REDIC1: variants seen among roughly 807,000 people sequenced by gnomAD.
The protein encoded by REDIC1 is regulator of DNA class I crossover intermediates 1.
At chr12:39,781,020 A>G in the REDIC1 span, among the ~76,000 whole-genome samples, 1 of 152,154 alleles carries the variant, frequency 6.6e-6, no homozygotes, top group Non-Finnish European at 1.5e-5. Context: ...CAGTTTCACA[A>G]TATTTCATCT....
the REDIC1 span, chr12:39,764,455 C>A: frequency 6.4e-7 from 1 of 1,559,596 alleles, no homozygotes; most frequent in Non-Finnish European, 8.6e-7. Flanking sequence ...AAAATATTAT[C>A]TTACCATAGT....
At chr12:39,856,124 A>G in the REDIC1 span, among the ~76,000 whole-genome samples, 2 of 152,182 alleles carry the variant, frequency 1.3e-5, no homozygotes, top group African/African-American at 4.8e-5. Flanking sequence ...GGTGTTGCCA[A>G]ATTTTGCCAC....
the REDIC1 span, among the ~76,000 whole-genome samples, chr12:39,706,843 C>T: frequency 6.6e-6 from 1 of 151,960 alleles, no homozygotes; most frequent in African/African-American, 2.4e-5. Context: ...TCACCATATA[C>T]AAAAATCAAA....
the REDIC1 span, chr12:39,683,022 T>G: frequency 6.2e-7 from 1 of 1,613,330 alleles, no homozygotes; most frequent in South Asian, 1.1e-5. Context: ...ATAAAACAAG[T>G]TATCCAGAAA....
chr12:39,683,160 A>G, the REDIC1 span: 2 of 1,550,906 alleles, frequency 1.3e-6, no homozygotes, highest in African/African-American at 1.4e-5. Context: ...GTACATGGAA[A>G]ATGTAATTAC....
the REDIC1 span, among the ~76,000 whole-genome samples, chr12:39,695,794 G>T: frequency 1.3e-5 from 2 of 152,240 alleles, no homozygotes; most frequent in South Asian, 4.1e-4. Flanking sequence ...GTGGACTTTG[G>T]TTAAGACCCA....
chr12:39,751,998 A>G, the REDIC1 span, among the ~76,000 whole-genome samples: 1 of 152,196 alleles, frequency 6.6e-6, no homozygotes, highest in African/African-American at 2.4e-5. Flanking sequence ...ACATGTATAC[A>G]TATGTAAGAA....
At chr12:39,725,849 G>A in the REDIC1 span, among the ~76,000 whole-genome samples, 5 of 151,886 alleles carry the variant, frequency 3.3e-5, no homozygotes, top group Admixed American at 6.6e-5. Context: ...TACACACAGC[G>A]AATTGAGGTA....
At chr12:39,836,087 G>C in the REDIC1 span, among the ~76,000 whole-genome samples, 2 of 152,060 alleles carry the variant, frequency 1.3e-5, no homozygotes, top group Admixed American at 6.6e-5. Flanking sequence ...GAAAGAAAGA[G>C]CTCTCTTTGA....
At chr12:39,875,286 G>A in the REDIC1 span, among the ~76,000 whole-genome samples, 14 of 152,086 alleles carry the variant, frequency 9.2e-5, no homozygotes, top group African/African-American at 3.4e-4. Context: ...CTAATTCCCT[G>A]GCTGGTGGCC....
At chr12:39,753,347 T>G in the REDIC1 span, among the ~76,000 whole-genome samples, 2 of 148,972 alleles carry the variant, frequency 1.3e-5, no homozygotes, top group Non-Finnish European at 2.9e-5. Flanking sequence ...AAAATTACTT[T>G]TTAAAACATT....
the REDIC1 span, among the ~76,000 whole-genome samples, chr12:39,648,465 A>G: frequency 2.0e-5 from 3 of 151,952 alleles, no homozygotes; most frequent in East Asian, 5.8e-4. Flanking sequence ...AACACTATAC[A>G]AATATATAGA....
chr12:39,860,197 T>C, the REDIC1 span, among the ~76,000 whole-genome samples: 3 of 152,190 alleles, frequency 2.0e-5, no homozygotes, highest in South Asian at 2.1e-4. Flanking sequence ...TGTGACTTAT[T>C]TGGACCTCAG....
chr12:39,834,827 A>G, the REDIC1 span, among the ~76,000 whole-genome samples: 5 of 152,098 alleles, frequency 3.3e-5, no homozygotes, highest in Non-Finnish European at 5.9e-5. Flanking sequence ...ATATTACAAG[A>G]TTCCCAACTT....
At chr12:39,833,829 A>G in the REDIC1 span, among the ~76,000 whole-genome samples, 1 of 151,558 alleles carries the variant, frequency 6.6e-6, no homozygotes, top group Non-Finnish European at 1.5e-5. Context: ...GCTGCTCCAT[A>G]ATATGGCACC....
the REDIC1 span, among the ~76,000 whole-genome samples, chr12:39,887,970 G>A: frequency 4.6e-5 from 7 of 152,158 alleles, no homozygotes; most frequent in African/African-American, 1.4e-4. Flanking sequence ...CCCCTGCTTC[G>A]TATCCCACAT....
chr12:39,815,844 G>C, the REDIC1 span, among the ~76,000 whole-genome samples: 1 of 152,150 alleles, frequency 6.6e-6, no homozygotes, highest in Non-Finnish European at 1.5e-5. Flanking sequence ...TTCTATAAAA[G>C]AGATCCAATT....
chr12:39,643,399 A>C, the REDIC1 span, among the ~76,000 whole-genome samples: 2 of 151,560 alleles, frequency 1.3e-5, no homozygotes, highest in Non-Finnish European at 3.0e-5. Flanking sequence ...GCATATTTTT[A>C]AGGTTTTCTA....
the REDIC1 span, among the ~76,000 whole-genome samples, chr12:39,850,926 G>A: frequency 6.7e-6 from 1 of 150,164 alleles, no homozygotes; most frequent in Non-Finnish European, 1.5e-5. Context: ...TTGAGATGGA[G>A]TCTTGCTTTG....
Sources: gnomAD v4.1 joint callset for allele counts (sites outside exome capture counted in the v4.1 genomes callset) on GRCh38, gnomAD v4.1.1 for gene constraint, MANE v1.5 for transcripts, NCBI Gene and HGNC (gene_info 2026-07-23, HGNC 2026-07-21) for gene names.